NR6A1: variants seen among roughly 807,000 people sequenced by gnomAD.
NR6A1 encodes the protein nuclear receptor subfamily 6 group A member 1, also known as retinoic acid receptor-related testis-associated receptor.
In NR6A1, 7 loss-of-function variants were observed where a neutral mutation model predicts 59.1. That is an observed-to-expected ratio of 0.12 (90% CI 0.07 to 0.22). NR6A1 has a LOEUF of 0.22. Ranked by LOEUF, NR6A1 falls within the 10% of genes least tolerant of loss-of-function variation. The pLI is 1.00. For missense variants in NR6A1, 468 were observed against 611.6 expected, an observed-to-expected ratio of 0.77 and a Z score of 2.48; for synonymous variants, 243 against 236.1, an observed-to-expected ratio of 1.03 and a Z score of -0.27.
rs117517595 is a variant in NR6A1, at chr9:124,540,549, A to G, written c.442-362T>C. On this transcript the variant is annotated intron_variant, in intron 4 of 9. Transcript: ENST00000487099. ...ATTCAAATGTCACCTCTTGCCAGGC[A>G]TGGTGGCTCATGCCTGTAATCCCAA... Among the ~76,000 whole-genome samples the G allele has an allele frequency of 2.3e-3, 350 of 152,308 alleles. 11 individuals are homozygous for G. In the East Asian group the frequency reaches 0.062, roughly 27 times the overall value.
intron 2 of NR6A1, among the ~76,000 whole-genome samples, chr9:124,718,640 A>T (rs1839473184): frequency 6.6e-6 from 1 of 152,128 alleles, no homozygotes; most frequent in South Asian, 2.1e-4. Context: ...AAACTCAGAG[A>T]TAATGAAAGA....
chr9:124,611,703 T>G (rs1197979888), intron 2 of NR6A1, among the ~76,000 whole-genome samples: 1 of 148,698 alleles, frequency 6.7e-6, no homozygotes, highest in Non-Finnish European at 1.5e-5. Flanking sequence ...GAGCCGTGAT[T>G]ACACCACTGT....
At chr9:124,584,993 GA>G (rs1834880415) in intron 2 of NR6A1, among the ~76,000 whole-genome samples, 1 of 152,180 alleles carries the variant, frequency 6.6e-6, no homozygotes, top group Non-Finnish European at 1.5e-5. Flanking sequence ...CAAATGATAA[GA>G]AAGAAAAACA....
intron 2 of NR6A1, chr9:124,599,560 A>C: frequency 1.2e-6 from 1 of 841,760 alleles, no homozygotes; most frequent in Non-Finnish European, 1.7e-6. Flanking sequence ...GGTCTTCCTG[A>C]GTGTCCGTGG....
intron 2 of NR6A1, among the ~76,000 whole-genome samples, chr9:124,573,147 A>G (rs571781085): frequency 2.0e-5 from 3 of 152,316 alleles, no homozygotes; most frequent in African/African-American, 7.2e-5. Flanking sequence ...TGGAGGAAAA[A>G]TCATCTCTGA....
At chr9:124,723,514 C>T (rs895383763) in intron 2 of NR6A1, among the ~76,000 whole-genome samples, 8 of 152,172 alleles carry the variant, frequency 5.3e-5, no homozygotes, top group African/African-American at 1.9e-4. Flanking sequence ...ACTCTGAACA[C>T]GCCCAATCTC....
chr9:124,723,606 A>G (rs1345007507), intron 2 of NR6A1, among the ~76,000 whole-genome samples: 2 of 152,228 alleles, frequency 1.3e-5, no homozygotes, highest in African/African-American at 2.4e-5. Context: ...GCTTAATTGA[A>G]TAAAACAGTT....
At chr9:124,556,460 A>G (rs1333317134) in intron 2 of NR6A1, among the ~76,000 whole-genome samples, 2 of 138,170 alleles carry the variant, frequency 1.4e-5, no homozygotes, top group South Asian at 2.3e-4. Flanking sequence ...AGGGATACTG[A>G]TTTTTTTTTT....
At chr9:124,607,180 C>G (rs1019985120) in intron 2 of NR6A1, 1 of 152,110 alleles carries the variant, frequency 6.6e-6, no homozygotes, top group Non-Finnish European at 1.5e-5. Flanking sequence ...TGGCATATCC[C>G]TACGGTCCCA....
intron 2 of NR6A1, among the ~76,000 whole-genome samples, chr9:124,715,852 T>G (rs1234983442): frequency 6.6e-6 from 1 of 152,258 alleles, no homozygotes; most frequent in East Asian, 1.9e-4. Context: ...AAAAGATTAA[T>G]AGAAGGGAAT....
intron 2 of NR6A1, among the ~76,000 whole-genome samples, chr9:124,608,771 G>A (rs918116235): frequency 6.6e-6 from 1 of 152,140 alleles, no homozygotes; most frequent in African/African-American, 2.4e-5. Context: ...CAGTATAAAA[G>A]CATTCCTATT....
chr9:124,592,203 C>T (rs1459879548), intron 2 of NR6A1, among the ~76,000 whole-genome samples: 2 of 152,162 alleles, frequency 1.3e-5, no homozygotes, highest in African/African-American at 2.4e-5. Context: ...AAAATCCCAA[C>T]CTCATCTTGA....
At chr9:124,751,109 AG>A (rs1229467900) in intron 1 of NR6A1, among the ~76,000 whole-genome samples, 1 of 152,186 alleles carries the variant, frequency 6.6e-6, no homozygotes, top group African/African-American at 2.4e-5. Context: ...TCTCCTTATA[AG>A]GTTGCTGCAT....
intron 1 of NR6A1, among the ~76,000 whole-genome samples, chr9:124,736,297 T>C (rs746928604): frequency 1.3e-5 from 2 of 152,180 alleles, no homozygotes; most frequent in South Asian, 2.1e-4. Context: ...AAAGTGCCCA[T>C]TGTTGTGAAC....
chr9:124,596,935 T>C (rs1254021462), intron 2 of NR6A1, among the ~76,000 whole-genome samples: 1 of 152,222 alleles, frequency 6.6e-6, no homozygotes, highest in Non-Finnish European at 1.5e-5. Context: ...CTGTGTAAAA[T>C]GTTTCATTCT....
At chr9:124,732,764 T>C (rs529276121) in intron 2 of NR6A1, among the ~76,000 whole-genome samples, 1 of 152,170 alleles carries the variant, frequency 6.6e-6, no homozygotes, top group East Asian at 1.9e-4. Flanking sequence ...TGGCATGTTC[T>C]TGGCTCACTG....
At chr9:124,526,693 G>A in intron 8 of NR6A1, 86 bp downstream of exon 8, 1 of 1,566,332 alleles carries the variant, frequency 6.4e-7, no homozygotes, top group Non-Finnish European at 8.7e-7. Flanking sequence ...TAGTCCTGAG[G>A]GTAAGGAGGG....
chr9:124,565,487 A>G (rs115894131), intron 2 of NR6A1, among the ~76,000 whole-genome samples: 1,682 of 152,300 alleles, frequency 0.011, 30 homozygotes, highest in African/African-American at 0.038. Flanking sequence ...AGCACTAACC[A>G]TAGAAGAAAA....
chr9:124,680,506 G>C (rs955206764), intron 2 of NR6A1, among the ~76,000 whole-genome samples: 4 of 152,160 alleles, frequency 2.6e-5, no homozygotes, highest in African/African-American at 9.7e-5. Flanking sequence ...ACAAAGTACA[G>C]AGGAAAAATG....
Sources: allele counts gnomAD v4.1 joint callset (sites outside exome capture counted in the v4.1 genomes callset), GRCh38; gene constraint gnomAD v4.1.1; transcripts MANE v1.5; gene names NCBI Gene and HGNC (gene_info 2026-07-23, HGNC 2026-07-21).